NOX4: variants seen among roughly 807,000 people sequenced by gnomAD.
The protein encoded by NOX4 is kidney oxidase-1.
NOX4 carries 69 observed loss-of-function variants against 87.6 expected under a neutral mutation model. That is an observed-to-expected ratio of 0.79 (90% CI 0.65 to 0.96). The LOEUF (loss-of-function observed/expected upper bound fraction) is 0.96, where lower values mean the gene tolerates loss of function less well. Ranked by LOEUF, NOX4 falls within the 40% of genes least tolerant of loss-of-function variation. NOX4 has a pLI of 0.00. For synonymous variants in NOX4, 275 were observed against 238.2 expected, an observed-to-expected ratio of 1.15 and a Z score of -1.42; for missense variants, 680 against 681.5, an observed-to-expected ratio of 1.00 and a Z score of 0.02.
At chr11:89,387,997 T>C (rs545017582) in intron 11 of NOX4, among the ~76,000 whole-genome samples, 1 of 152,340 alleles carries the variant, frequency 6.6e-6, no homozygotes, top group East Asian at 1.9e-4. Context: ...GTTCCAGCTA[T>C]TGATTGTATT....
At chr11:89,394,696 C>A (rs1415696540) in intron 11 of NOX4, among the ~76,000 whole-genome samples, 1 of 152,024 alleles carries the variant, frequency 6.6e-6, no homozygotes, top group Non-Finnish European at 1.5e-5. Flanking sequence ...TGTTCCCCGC[C>A]CTGTGTACAA....
At chr11:89,469,352 T>A (rs988783240) in intron 2 of NOX4, among the ~76,000 whole-genome samples, 1 of 152,134 alleles carries the variant, frequency 6.6e-6, no homozygotes, top group African/African-American at 2.4e-5. Flanking sequence ...AAAACAAAAT[T>A]AAAAATAACG....
chr11:89,483,103 A>G (rs1946459091), intron 2 of NOX4, among the ~76,000 whole-genome samples: 1 of 152,132 alleles, frequency 6.6e-6, no homozygotes, highest in African/African-American at 2.4e-5. Flanking sequence ...GTAAAAATCA[A>G]TAATTCCTAT....
intron 2 of NOX4, among the ~76,000 whole-genome samples, chr11:89,464,490 G>A (rs1945595718): frequency 6.6e-6 from 1 of 152,096 alleles, no homozygotes; most frequent in Admixed American, 6.6e-5. Context: ...TACTACATGA[G>A]CAATATTCTA....
intron 12 of NOX4, among the ~76,000 whole-genome samples, chr11:89,362,434 G>T (rs75063617): frequency 6.6e-6 from 1 of 152,060 alleles, no homozygotes; most frequent in East Asian, 1.9e-4. Flanking sequence ...TACTCTTCCA[G>T]CCATGCTGTC....
intron 7 of NOX4, among the ~76,000 whole-genome samples, chr11:89,429,362 A>G (rs1943645221): frequency 6.6e-6 from 1 of 152,198 alleles, no homozygotes; most frequent in African/African-American, 2.4e-5. Context: ...CTAAGATCAG[A>G]GAAGAACTGA....
At chr11:89,540,554 G>A in the NOX4 span, among the ~76,000 whole-genome samples, 1 of 151,684 alleles carries the variant, frequency 6.6e-6, no homozygotes, top group African/African-American at 2.4e-5. Context: ...TTGGGAGACC[G>A]AGATGGGTGG....
chr11:89,451,925 G>A, intron 2 of NOX4, 30 bp from the exon 3 acceptor site: 1 of 1,449,852 alleles, frequency 6.9e-7, no homozygotes, highest in South Asian at 1.1e-5. Context: ...TCAGCACACA[G>A]TTAAGGACAG....
chr11:89,475,653 G>C (rs1946135278), intron 2 of NOX4, among the ~76,000 whole-genome samples: 1 of 152,066 alleles, frequency 6.6e-6, no homozygotes, highest in African/African-American at 2.4e-5. Flanking sequence ...GGATGAGATG[G>C]AACGGGATAG....
chr11:89,461,631 C>A (rs1462770606), intron 2 of NOX4, among the ~76,000 whole-genome samples: 1 of 53,566 alleles, frequency 1.9e-5, no homozygotes, highest in Non-Finnish European at 3.4e-5. Flanking sequence ...GGCAAAAGAG[C>A]AAGACTCCAT....
chr11:89,572,324 T>C, the NOX4 span, among the ~76,000 whole-genome samples: 1 of 152,242 alleles, frequency 6.6e-6, no homozygotes, highest in African/African-American at 2.4e-5. Flanking sequence ...TGAGCATTTT[T>C]CAGTTTTAAT....
intron 2 of NOX4, among the ~76,000 whole-genome samples, chr11:89,467,070 C>A (rs547529442): frequency 6.6e-6 from 1 of 152,066 alleles, no homozygotes; most frequent in South Asian, 2.1e-4. Context: ...CTTTATCGGC[C>A]GGGCACGGTG....
At chr11:89,444,788 G>C (rs543094598) in intron 4 of NOX4, among the ~76,000 whole-genome samples, 1 of 152,108 alleles carries the variant, frequency 6.6e-6, no homozygotes, top group South Asian at 2.1e-4. Flanking sequence ...AAAAGTGTTG[G>C]GAATCACTTC....
chr11:89,441,131 C>A (rs532981055), intron 5 of NOX4, among the ~76,000 whole-genome samples: 3 of 152,222 alleles, frequency 2.0e-5, no homozygotes, highest in African/African-American at 7.2e-5. Flanking sequence ...GAATTAAAAA[C>A]CAATAAAATA....
At chr11:89,446,056 A>G (rs2135372603) in intron 4 of NOX4, among the ~76,000 whole-genome samples, 1 of 152,284 alleles carries the variant, frequency 6.6e-6, no homozygotes, top group East Asian at 1.9e-4. Context: ...TGTGCCAAAC[A>G]TCTCAATAGA....
intron 8 of NOX4, among the ~76,000 whole-genome samples, chr11:89,405,537 G>A (rs1366489380): frequency 6.6e-6 from 1 of 151,302 alleles, no homozygotes; most frequent in African/African-American, 2.4e-5. Flanking sequence ...AGAATAGAGA[G>A]CTCAGATTAC....
Position 89,325,310 on chromosome 11 carries a change from G to A in NOX4, c.*1446C>T, listed in dbSNP as rs543053537. 5.3e-5 allele frequency: 8 copies of A among 151,852 alleles called. No homozygotes were observed. The highest frequency in any genetic ancestry group is 1.7e-4 in the African/African-American group (7 of 41,340). The allele number at this position is 151,852 out of a possible 1,614,324, so 9.4% of individuals were successfully genotyped here. ...GCCTAATATTTGTATTTTTAGTAGC[G>A]ATGGGGTTTCACCAACTTGGTCAGG... On this transcript the variant is annotated 3_prime_UTR_variant, in exon 18 of 18. Transcript: ENST00000263317.
chr11:89,505,789 T>C, the NOX4 span, among the ~76,000 whole-genome samples: 2 of 152,004 alleles, frequency 1.3e-5, no homozygotes, highest in South Asian at 4.2e-4. Flanking sequence ...TATGGTACCA[T>C]TAATTGGACT....
intron 11 of NOX4, among the ~76,000 whole-genome samples, chr11:89,374,127 C>G (rs1343102967): frequency 6.6e-6 from 1 of 152,002 alleles, no homozygotes; most frequent in Non-Finnish European, 1.5e-5. Context: ...AATGAAAGAA[C>G]AAAATTTAGT....
Sources: gnomAD v4.1 joint callset for allele counts (sites outside exome capture counted in the v4.1 genomes callset) on GRCh38, gnomAD v4.1.1 for gene constraint, MANE v1.5 for transcripts, NCBI Gene and HGNC (gene_info 2026-07-23, HGNC 2026-07-21) for gene names.